Variants in RANBP2 observed in about 807,000 individuals in gnomAD.
RANBP2 encodes the protein E3 SUMO-protein ligase RanBP2.
A neutral mutation model predicts 303.6 loss-of-function variants in RANBP2; 57 were observed. The ratio of observed to expected loss-of-function variants is 0.19; its 90% CI spans 0.15 to 0.23. The LOEUF (loss-of-function observed/expected upper bound fraction) is 0.23. Ranked by LOEUF, RANBP2 falls within the 10% of genes least tolerant of loss-of-function variation. The pLI is 1.00. For synonymous variants in RANBP2, 1,167 were observed against 1,301.5 expected, an observed-to-expected ratio of 0.90 and a Z score of 2.23; for missense variants, 3,138 against 3,780.8, an observed-to-expected ratio of 0.83 and a Z score of 4.46.
chr2:109,298,668 A>T, the RANBP2 span, among the ~76,000 whole-genome samples: 1 of 152,068 alleles, frequency 6.6e-6, no homozygotes, highest in African/African-American at 2.4e-5. Context: ...CCCTCTGGCC[A>T]GGCCTTCCCT....
At chr2:109,296,259 C>T in the RANBP2 span, among the ~76,000 whole-genome samples, 18 of 151,904 alleles carry the variant, frequency 1.2e-4, no homozygotes, top group East Asian at 2.9e-3. Flanking sequence ...TGGAGTTTCA[C>T]TCTTATTGCC....
At chr2:109,017,505 C>T in the RANBP2 span, among the ~76,000 whole-genome samples, 12 of 152,226 alleles carry the variant, frequency 7.9e-5, no homozygotes, top group African/African-American at 2.9e-4. Flanking sequence ...CATCCACTTC[C>T]AGCCTCTTTC....
the RANBP2 span, among the ~76,000 whole-genome samples, chr2:108,970,651 C>G: frequency 1.3e-5 from 2 of 152,064 alleles, no homozygotes; most frequent in Non-Finnish European, 2.9e-5. Flanking sequence ...TTCCTTCCTG[C>G]TCAGGGGATG....
At chr2:109,352,496 T>G in the RANBP2 span, among the ~76,000 whole-genome samples, 3 of 152,228 alleles carry the variant, frequency 2.0e-5, no homozygotes, top group Non-Finnish European at 4.4e-5. Flanking sequence ...GTGTCGTCTC[T>G]GCTTCTTCCT....
chr2:109,232,327 A>T, the RANBP2 span, among the ~76,000 whole-genome samples: 3 of 152,244 alleles, frequency 2.0e-5, no homozygotes, highest in Non-Finnish European at 4.4e-5. Flanking sequence ...ATTTTTTCAG[A>T]GTTGGAAAAT....
the RANBP2 span, among the ~76,000 whole-genome samples, chr2:109,016,170 C>T: frequency 6.6e-6 from 1 of 152,190 alleles, no homozygotes; most frequent in Non-Finnish European, 1.5e-5. Context: ...CAAGCTCCGC[C>T]TCCCGGGTTC....
the RANBP2 span, among the ~76,000 whole-genome samples, chr2:108,925,817 T>C: frequency 6.6e-6 from 1 of 152,128 alleles, no homozygotes; most frequent in South Asian, 2.1e-4. Flanking sequence ...GGGTTTCACC[T>C]GTTGGCCAGG....
At chr2:109,535,613 G>A in the RANBP2 span, among the ~76,000 whole-genome samples, 1 of 152,216 alleles carries the variant, frequency 6.6e-6, no homozygotes, top group Non-Finnish European at 1.5e-5. Flanking sequence ...CTCCACAGGT[G>A]TGTTTCTGCA....
rs377140608 is a variant in RANBP2, at chr2:108,719,557, C to T, written c.-50C>T. On this transcript the variant is annotated 5_prime_UTR_variant, in exon 1 of 29. Transcript: ENST00000283195. ...TTCCTCTTGGAAGTGGCGACTGCTG[C>T]GGGCCTGAGCGCTGGTCTCACGCGC... 5.5e-5 allele frequency: 86 copies of T among 1,572,780 alleles called. No individual in the cohort carries two copies. Among genetic ancestry groups the T allele is most frequent in the Non-Finnish European group, 6.8e-5 (79 of 1,160,958 alleles).
At chr2:108,819,603 GAA>G in the RANBP2 span, among the ~76,000 whole-genome samples, 2 of 152,204 alleles carry the variant, frequency 1.3e-5, no homozygotes, top group Non-Finnish European at 2.9e-5. Context: ...AAGACTGTCA[GAA>G]ACACACATAG....
the RANBP2 span, chr2:109,371,799 A>T: frequency 1.2e-6 from 1 of 836,030 alleles, no homozygotes; most frequent in Non-Finnish European, 1.9e-6. Flanking sequence ...CCTCCACAAT[A>T]GCCTCTGGCC....
At chr2:109,360,530 G>A in the RANBP2 span, among the ~76,000 whole-genome samples, 2 of 152,166 alleles carry the variant, frequency 1.3e-5, no homozygotes, top group Non-Finnish European at 2.9e-5. Flanking sequence ...CCATACCCAA[G>A]ATATCTCATT....
the RANBP2 span, among the ~76,000 whole-genome samples, chr2:108,836,903 A>G: frequency 2.0e-5 from 3 of 149,086 alleles, no homozygotes; most frequent in African/African-American, 7.4e-5. Flanking sequence ...GATTTTTAGT[A>G]TTGATTTTGT....
At chr2:109,447,683 C>T in the RANBP2 span, among the ~76,000 whole-genome samples, 1 of 152,176 alleles carries the variant, frequency 6.6e-6, no homozygotes, top group Non-Finnish European at 1.5e-5. Context: ...CATTCTCTCC[C>T]AGCATTTGTT....
the RANBP2 span, chr2:109,449,142 C>T: frequency 1.2e-6 from 2 of 1,605,512 alleles, no homozygotes; most frequent in Non-Finnish European, 1.7e-6. Flanking sequence ...AACCTTTCAA[C>T]CTGCTGTCTC....
chr2:109,204,367 T>G, the RANBP2 span, among the ~76,000 whole-genome samples: 26 of 152,330 alleles, frequency 1.7e-4, no homozygotes, highest in East Asian at 4.8e-3. Flanking sequence ...TCTCCTTATC[T>G]TATCTTTTAA....
At chr2:109,528,243 C>T in the RANBP2 span, among the ~76,000 whole-genome samples, 2 of 152,180 alleles carry the variant, frequency 1.3e-5, no homozygotes, top group Non-Finnish European at 2.9e-5. Flanking sequence ...CCCTGTGCCC[C>T]GCTGTGCCCT....
At chr2:109,556,954 A>G in the RANBP2 span, among the ~76,000 whole-genome samples, 1 of 152,290 alleles carries the variant, frequency 6.6e-6, no homozygotes, top group East Asian at 1.9e-4. Flanking sequence ...TCTCACTCAT[A>G]GATGGGAATT....
chr2:109,585,694 C>G, the RANBP2 span: 1 of 1,470,372 alleles, frequency 6.8e-7, no homozygotes, highest in African/African-American at 1.4e-5. Context: ...GAAGGAACAA[C>G]TTAGAGGAAG....
Sources: allele counts gnomAD v4.1 joint callset (sites outside exome capture counted in the v4.1 genomes callset), GRCh38; gene constraint gnomAD v4.1.1; transcripts MANE v1.5; gene names NCBI Gene and HGNC (gene_info 2026-07-23, HGNC 2026-07-21).